VPS13B: variants seen among roughly 807,000 people sequenced by gnomAD.
The protein encoded by VPS13B is vacuolar protein sorting 13 homolog B, also known as intermembrane lipid transfer protein VPS13B.
Under a neutral mutation model 426.4 loss-of-function variants are expected in VPS13B, and 285 were observed. That is an observed-to-expected ratio of 0.67 (90% CI 0.61 to 0.74). The LOEUF is 0.74. Among genes scored for constraint, VPS13B ranks in the 30% least tolerant of loss-of-function variants. The pLI is 0.00. For synonymous variants in VPS13B, 1,676 were observed against 1,676.4 expected, an observed-to-expected ratio of 1.00 and a Z score of 0.01; for missense variants, 4,537 against 4,782.6, an observed-to-expected ratio of 0.95 and a Z score of 1.51.
At chr8:99,378,671 C>T (rs1431007131) in intron 19 of VPS13B, among the ~76,000 whole-genome samples, 1 of 152,084 alleles carries the variant, frequency 6.6e-6, no homozygotes, top group Non-Finnish European at 1.5e-5. Flanking sequence ...ATTTGGGGTC[C>T]CTGACTTCCC....
intron 39 of VPS13B, 121 bp downstream of exon 39, chr8:99,721,168 T>A: frequency 9.8e-7 from 1 of 1,023,242 alleles, no homozygotes; most frequent in Non-Finnish European, 1.5e-6. Flanking sequence ...GAAATACACA[T>A]CTGTGTGTGT....
At chr8:99,858,327 C>T (rs182823980) in intron 56 of VPS13B, among the ~76,000 whole-genome samples, 6 of 152,336 alleles carry the variant, frequency 3.9e-5, no homozygotes, top group African/African-American at 7.2e-5. Flanking sequence ...CACGCACAGC[C>T]GCGTTCCCAT....
chr8:99,228,323 A>T (rs1305300011), intron 17 of VPS13B, among the ~76,000 whole-genome samples: 1 of 152,160 alleles, frequency 6.6e-6, no homozygotes, highest in African/African-American at 2.4e-5. Flanking sequence ...TTGAGAACTG[A>T]CAGGTTATAT....
In VPS13B at chr8:99,158,263, G is replaced by A. The variant is rs548780173; in HGVS notation, c.2208+1520G>A. ...AAAACTTCAAAAGGCGGCCGGGCAC[G>A]GTGGCTCATGCCTGTAATCCCAGCT... On this transcript the variant is annotated intron_variant, in intron 15 of 61. Coordinates refer to ENST00000357162, the MANE Select transcript of VPS13B (RefSeq NM_152564.5). Among the ~76,000 whole-genome samples the A allele has an allele frequency of 2.2e-4, 33 of 152,306 alleles. No homozygotes were observed. In the South Asian group the frequency reaches 6.4e-3, roughly 30 times the overall value.
chr8:99,121,303 C>A lies in VPS13B; in HGVS notation c.1064C>A (p.Ala355Glu), dbSNP rs368837821. The A allele has an allele frequency of 5.6e-6, 9 of 1,614,014 alleles. No homozygotes were observed. The African/African-American group carries it at 1.2e-4, about 22-fold the overall frequency. Residue 355 changes from alanine to glutamate, a missense_variant, in exon 8 of 62, where the codon GCA becomes GAA. Around this residue, in one of 2 missense-constraint regions of VPS13B, gnomAD observed 4,311 missense variants for 4,474.3 expected, o/e 0.96. Transcript: ENST00000357162. Reference protein sequence around the residue: ...WVSWAWSFVPAIVSYDDGEED... With the variant: ...WVSWAWSFVPEIVSYDDGEED... ...TCATGGGCCTGGTCCTTTGTGCCTG[C>A]AATTGTGAGTTATGACGATGGCGAG... is the stretch of plus-strand genomic sequence containing the variant.
Position 99,507,974 on chromosome 8 carries a change from G to A in VPS13B, c.4224+771G>A, listed in dbSNP as rs942371442. 25 of 1,607,970 alleles carry A rather than the reference G, an allele frequency of 1.6e-5. 1 individual carries two copies. Among genetic ancestry groups the A allele is most frequent in the Middle Eastern group, 1.7e-4 (1 of 6,058 alleles). On this transcript the variant is annotated intron_variant, in intron 28 of 61. Coordinates refer to ENST00000357162, the MANE Select transcript of VPS13B (RefSeq NM_152564.5). ...TTAACAGGAACCCAGAGAAGGAATTGAATGATTCATAGAGTCAACTCTTGA... is the reference window on the plus strand; with the variant it reads ...TTAACAGGAACCCAGAGAAGGAATTAAATGATTCATAGAGTCAACTCTTGA...
At chr8:99,053,243 A>T (rs1843657668) in intron 3 of VPS13B, among the ~76,000 whole-genome samples, 2 of 151,850 alleles carry the variant, frequency 1.3e-5, no homozygotes. Flanking sequence ...GCACCCATTA[A>T]CTCGTCATTA....
rs137901436 is a variant in VPS13B at position 99,642,261 on chromosome 8, C to T, written c.5671C>T (p.Leu1891Phe). Residue 1891 changes from leucine (L) to phenylalanine (F), a missense_variant, in exon 34 of 62, where the codon CTC (leucine) becomes TTC (phenylalanine). Around this residue, in one of 2 missense-constraint regions of VPS13B, gnomAD observed 4,311 missense variants for 4,474.3 expected, o/e 0.96. Transcript: ENST00000357162. ...SFPSGKKIGV[L>F]SLESLHASTR... ...TCCTTCAGGGAAAAAAATAGGGGTC[C>T]TCTCTCTTGAAAGTCTTCATGCATC... 6.8e-6 allele frequency: 11 copies of T among 1,614,036 alleles called. No homozygotes were observed. In the African/African-American group the frequency reaches 1.5e-4, roughly 22 times the overall value.
intron 5 of VPS13B, among the ~76,000 whole-genome samples, chr8:99,105,654 C>T (rs1459143725): frequency 6.6e-6 from 1 of 152,226 alleles, no homozygotes; most frequent in African/African-American, 2.4e-5. Context: ...GCTGGGATTA[C>T]AGGCATGAGC....
At chr8:99,821,839 T>C (rs936835351) in intron 50 of VPS13B, among the ~76,000 whole-genome samples, 1 of 152,164 alleles carries the variant, frequency 6.6e-6, no homozygotes, top group Non-Finnish European at 1.5e-5. Context: ...GTTCTGAGCA[T>C]AGAGTGAAAG....
At chr8:99,713,312 CT>C (rs996631316) in intron 36 of VPS13B, among the ~76,000 whole-genome samples, 4 of 151,898 alleles carry the variant, frequency 2.6e-5, no homozygotes, top group Non-Finnish European at 4.4e-5. Context: ...CCTTTTATGG[CT>C]TTTTTTTAGT....
intron 19 of VPS13B, among the ~76,000 whole-genome samples, chr8:99,342,704 A>C (rs112614494): frequency 1.4e-3 from 219 of 152,342 alleles, no homozygotes; most frequent in African/African-American, 5.0e-3. Context: ...TGCAGTGAAC[A>C]TGGCAGTGCA....
At chr8:99,461,871 A>G (rs539192793) in intron 23 of VPS13B, among the ~76,000 whole-genome samples, 1 of 152,216 alleles carries the variant, frequency 6.6e-6, no homozygotes, top group Admixed American at 6.5e-5. Context: ...ATCAGTTAAT[A>G]GTTGGTTATC....
At chr8:99,015,441 C>T (rs1841562825) in intron 2 of VPS13B, among the ~76,000 whole-genome samples, 1 of 151,400 alleles carries the variant, frequency 6.6e-6, no homozygotes, top group Non-Finnish European at 1.5e-5. Flanking sequence ...TGGTCTCGAT[C>T]TCCTGACCTC....
At chr8:99,757,189 G>T (rs1211051542) in intron 39 of VPS13B, among the ~76,000 whole-genome samples, 1 of 152,110 alleles carries the variant, frequency 6.6e-6, no homozygotes, top group Admixed American at 6.6e-5. Flanking sequence ...AAATATGGCG[G>T]GAAAAGTGAT....
At chr8:99,482,141 G>A (rs952135296) in intron 25 of VPS13B, among the ~76,000 whole-genome samples, 106 of 152,146 alleles carry the variant, frequency 7.0e-4, no homozygotes, top group African/African-American at 2.4e-3. Context: ...CCTCTGTTCC[G>A]CTACACCTTT....
chr8:99,636,514 A>T (rs1829074915), intron 33 of VPS13B, among the ~76,000 whole-genome samples: 1 of 152,004 alleles, frequency 6.6e-6, no homozygotes, highest in Non-Finnish European at 1.5e-5. Flanking sequence ...ATATGGAATC[A>T]ATATCCCAGT....
intron 12 of VPS13B, among the ~76,000 whole-genome samples, chr8:99,142,548 C>T (rs1247432818): frequency 1.3e-5 from 2 of 152,240 alleles, no homozygotes; most frequent in South Asian, 2.1e-4. Context: ...ACTCTCAAGG[C>T]ACCCTGTGAT....
Position 99,115,638 on chromosome 8 carries a change from T to G in VPS13B, c.763-62T>G, listed in dbSNP as rs1002287800. On this transcript the variant is annotated intron_variant, in intron 6 of 61. Transcript: ENST00000357162. The stretch of plus-strand genomic sequence containing the variant: ...ATTTAAAGACTTTAAAACATTTCTT[T>G]ATGTAAAAAATACTCTTTTTAAACA... The G allele has an allele frequency of 4.6e-6, 7 of 1,532,328 alleles. No homozygotes were observed. The African/African-American group carries it at 9.7e-5, about 21-fold the overall frequency. The allele number at this position is 1,532,328 out of a possible 1,614,324, so 94.9% of individuals were successfully genotyped here.
Sources: allele counts gnomAD v4.1 joint callset (sites outside exome capture counted in the v4.1 genomes callset), GRCh38; gene constraint gnomAD v4.1.1; regional missense constraint gnomAD v4.1.1; transcripts MANE v1.5; gene names NCBI Gene and HGNC (gene_info 2026-07-23, HGNC 2026-07-21).